Variants in PDZRN4 observed in about 807,000 individuals in gnomAD.
PDZRN4 encodes PDZ domain containing ring finger 4.
Under a neutral mutation model 99.0 loss-of-function variants are expected in PDZRN4, and 70 were observed. The observed-to-expected ratio is 0.71, with a 90% CI of 0.58 to 0.86. The LOEUF (loss-of-function observed/expected upper bound fraction) is 0.86. Among genes scored for constraint, PDZRN4 ranks in the 40% least tolerant of loss-of-function variants. The probability of loss-of-function intolerance (pLI) is 0.00; values close to 1 mark genes in which losing one functional copy is unlikely to be tolerated. For synonymous variants in PDZRN4, 551 were observed against 501.6 expected, an observed-to-expected ratio of 1.10 and a Z score of -1.32; for missense variants, 1,474 against 1,331.2, an observed-to-expected ratio of 1.11 and a Z score of -1.67.
At chr12:41,203,074 A>G (rs373961054) in intron 3 of PDZRN4, among the ~76,000 whole-genome samples, 55 of 152,062 alleles carry the variant, frequency 3.6e-4, no homozygotes, top group African/African-American at 1.3e-3. Context: ...AATTTGCTAC[A>G]AACATGATTC....
intron 3 of PDZRN4, among the ~76,000 whole-genome samples, chr12:41,475,062 C>T (rs1953027744): frequency 6.6e-6 from 1 of 152,122 alleles, no homozygotes; most frequent in African/African-American, 2.4e-5. Context: ...AGTGTGGTTA[C>T]AGTATATCAT....
intron 3 of PDZRN4, among the ~76,000 whole-genome samples, chr12:41,499,509 G>T (rs1340223462): frequency 3.9e-5 from 6 of 152,032 alleles, no homozygotes; most frequent in Non-Finnish European, 8.8e-5. Context: ...GGTGTTAAAT[G>T]CTTTGATGGG....
At chr12:41,454,344 G>A (rs1295051438) in intron 3 of PDZRN4, among the ~76,000 whole-genome samples, 1 of 152,196 alleles carries the variant, frequency 6.6e-6, no homozygotes, top group East Asian at 1.9e-4. Context: ...CTTTCCTCCT[G>A]AGGTTCCTGC....
At chr12:41,345,894 A>C (rs1325512133) in intron 3 of PDZRN4, among the ~76,000 whole-genome samples, 1 of 152,112 alleles carries the variant, frequency 6.6e-6, no homozygotes, top group Non-Finnish European at 1.5e-5. Flanking sequence ...AGTGAATATC[A>C]AGTATTTAGA....
rs528233572 is a variant in PDZRN4, at chr12:41,262,234, T to C, written c.843+68046T>C. Among the ~76,000 whole-genome samples the C allele has an allele frequency of 2.6e-5, 4 of 152,298 alleles. No homozygotes were observed. In the East Asian group the frequency reaches 7.7e-4, roughly 29 times the overall value. Reference sequence around the variant, plus strand: ...TACAGTGCTGTAACATTCATTATAGTTTTGCCTGCTGAAAGACCATGACCA... The same window carrying C: ...TACAGTGCTGTAACATTCATTATAGCTTTGCCTGCTGAAAGACCATGACCA... On this transcript the variant is annotated intron_variant, in intron 3 of 9. Coordinates refer to ENST00000402685, the MANE Select transcript of PDZRN4 (RefSeq NM_001164595.2).
chr12:41,380,612 A>G (rs1007844912), intron 3 of PDZRN4, among the ~76,000 whole-genome samples: 2 of 152,020 alleles, frequency 1.3e-5, no homozygotes, highest in African/African-American at 4.8e-5. Context: ...AAAACTCCAT[A>G]GTTTTACTTA....
Position 41,315,924 on chromosome 12 carries a change from A to G in PDZRN4, c.843+121736A>G, listed in dbSNP as rs371462206. Among the ~76,000 whole-genome samples the G allele has an allele frequency of 1.1e-4, 17 of 151,974 alleles. No individual in the cohort carries two copies. The East Asian group carries it at 1.5e-3, about 14-fold the overall frequency. ...TCTGAAATCTCCTTCCCCCACCTTC[A>G]CTCTCAGTGACCCTGTGAATGTAAT... On this transcript the variant is annotated intron_variant, in intron 3 of 9. Transcript: ENST00000402685.
chr12:41,536,853 T>C (rs1170557415), intron 5 of PDZRN4, among the ~76,000 whole-genome samples: 1 of 152,164 alleles, frequency 6.6e-6, no homozygotes, highest in African/African-American at 2.4e-5. Context: ...TGTTATTTTG[T>C]CATCTTGTTA....
chr12:41,549,181 G>A (rs1463427327), intron 5 of PDZRN4, among the ~76,000 whole-genome samples: 1 of 152,146 alleles, frequency 6.6e-6, no homozygotes, highest in Non-Finnish European at 1.5e-5. Context: ...ATGTACAGAG[G>A]TAGCATTTCA....
chr12:41,517,905 T>C (rs1182149233), intron 5 of PDZRN4, among the ~76,000 whole-genome samples: 1 of 152,122 alleles, frequency 6.6e-6, no homozygotes, highest in Non-Finnish European at 1.5e-5. Flanking sequence ...GTATTATCTC[T>C]GACTTTAGCT....
At chr12:41,350,073 G>A (rs1246527880) in intron 3 of PDZRN4, among the ~76,000 whole-genome samples, 1 of 152,022 alleles carries the variant, frequency 6.6e-6, no homozygotes, top group Non-Finnish European at 1.5e-5. Flanking sequence ...TTATGTAAGT[G>A]AGTCTTCCAT....
At chr12:41,535,385 C>T (rs1045774041) in intron 5 of PDZRN4, among the ~76,000 whole-genome samples, 1 of 152,156 alleles carries the variant, frequency 6.6e-6, no homozygotes, top group Non-Finnish European at 1.5e-5. Flanking sequence ...GTTTTTTAAG[C>T]TTAATTATCA....
chr12:41,296,991 G>A (rs984822688), intron 3 of PDZRN4, among the ~76,000 whole-genome samples: 1 of 152,004 alleles, frequency 6.6e-6, no homozygotes, highest in Non-Finnish European at 1.5e-5. Context: ...TCTGTAAAGG[G>A]CATCAATTTT....
chr12:41,335,547 A>G (rs1951767016), intron 3 of PDZRN4, among the ~76,000 whole-genome samples: 2 of 152,132 alleles, frequency 1.3e-5, no homozygotes, highest in South Asian at 2.1e-4. Context: ...TTGTTGTTGA[A>G]GGAAGGTATT....
intron 3 of PDZRN4, among the ~76,000 whole-genome samples, chr12:41,267,074 C>T (rs1951282720): frequency 6.6e-6 from 1 of 152,160 alleles, no homozygotes; most frequent in Admixed American, 6.5e-5. Context: ...ACGGGCTCTA[C>T]AAACTGCTAG....
At chr12:41,416,668 G>T (rs1472375252) in intron 3 of PDZRN4, among the ~76,000 whole-genome samples, 25 of 152,170 alleles carry the variant, frequency 1.6e-4, no homozygotes, top group Admixed American at 1.6e-3. Context: ...AAGAAAAAAA[G>T]AAAATGGTCT....
chr12:41,319,536 C>A (rs1951660572), intron 3 of PDZRN4, among the ~76,000 whole-genome samples: 3 of 152,120 alleles, frequency 2.0e-5, no homozygotes, highest in South Asian at 4.1e-4. Context: ...CTCCTCAATG[C>A]CACATCTACT....
chr12:41,387,604 A>C (rs11614231), intron 3 of PDZRN4, among the ~76,000 whole-genome samples: 67,329 of 152,006 alleles, frequency 0.44, 14,832 homozygotes, highest in South Asian at 0.51. Flanking sequence ...ACAACAACAA[A>C]AAAATGGGCA....
intron 9 of PDZRN4, among the ~76,000 whole-genome samples, chr12:41,571,370 TCTCTCTCACACACA>T (rs1369677121): frequency 1.2e-4 from 11 of 94,074 alleles, no homozygotes; most frequent in East Asian, 3.8e-4. Flanking sequence ...TCTCTCTCTC[TCTCTCTCACACACA>T]CACACACACA....
Sources: allele counts gnomAD v4.1 joint callset (sites outside exome capture counted in the v4.1 genomes callset), GRCh38; gene constraint gnomAD v4.1.1; transcripts MANE v1.5; gene names NCBI Gene and HGNC (gene_info 2026-07-23, HGNC 2026-07-21).